RGS6: variants seen among roughly 807,000 people sequenced by gnomAD.
The protein encoded by RGS6 is regulator of G protein signaling 6, also known as regulator of G-protein signaling 6.
RGS6 carries 30 observed loss-of-function variants against 78.5 expected under a neutral mutation model. That is an observed-to-expected ratio of 0.38 (90% CI 0.29 to 0.52). The LOEUF (loss-of-function observed/expected upper bound fraction) is 0.52. Ranked by LOEUF, RGS6 falls within the 20% of genes least tolerant of loss-of-function variation. The pLI, the probability that RGS6 is intolerant of heterozygous loss-of-function variation, is 0.85. For synonymous variants in RGS6, 206 were observed against 206.0 expected (o/e 1.00, Z 0.00); for missense variants, 495 against 609.7 (o/e 0.81, Z 1.98).
At chr14:72,513,072 A>C (rs1200874211) in intron 14 of RGS6, among the ~76,000 whole-genome samples, 1 of 152,208 alleles carries the variant, frequency 6.6e-6, no homozygotes, top group Admixed American at 6.5e-5. Flanking sequence ...CTGGCATTGG[A>C]GCATGGCAGG....
At chr14:72,353,678 C>A (rs954587113) in intron 3 of RGS6, among the ~76,000 whole-genome samples, 2 of 152,030 alleles carry the variant, frequency 1.3e-5, no homozygotes, top group Non-Finnish European at 2.9e-5. Context: ...TGACTCTATA[C>A]ATAGGCCAAA....
intron 2 of RGS6, among the ~76,000 whole-genome samples, chr14:72,291,428 G>A (rs1275996568): frequency 1.3e-5 from 2 of 152,072 alleles, no homozygotes; most frequent in Admixed American, 6.5e-5. Context: ...TGAAGTGCTT[G>A]TCCTCTACAG....
At chr14:71,875,798 C>G in the RGS6 span, among the ~76,000 whole-genome samples, 3 of 152,178 alleles carry the variant, frequency 2.0e-5, no homozygotes, top group Non-Finnish European at 2.9e-5. Flanking sequence ...ATAAATTTCC[C>G]TCTACACACT....
At chr14:71,932,369 G>A (rs1451275774), upstream of RGS6, 2 of 151,272 alleles carry the variant, frequency 1.3e-5, no homozygotes, top group African/African-American at 4.8e-5. Context: ...GCACGGGGCT[G>A]CAGCTCCGCT....
At chr14:71,951,299 C>G (rs951030250) in intron 1 of RGS6, among the ~76,000 whole-genome samples, 1 of 151,888 alleles carries the variant, frequency 6.6e-6, no homozygotes, top group African/African-American at 2.4e-5. Context: ...AGCAAACAAA[C>G]GCAGGAGCAG....
rs981118901 is a variant in RGS6 at position 72,566,426 on chromosome 14, A to G, written c.*3959A>G. The G allele has an allele frequency of 6.6e-6, 1 of 152,184 alleles. No individual in the cohort carries two copies. The highest frequency in any genetic ancestry group is 1.5e-5 in the Non-Finnish European group (1 of 68,064). The allele number at this position is 152,184 out of a possible 1,614,324, so 9.4% of individuals were successfully genotyped here. ...CATCGGAATGGCCTCCTCTTAGTGC[A>G]TGTGGTTCTCTTTAGTTTATTTTTC... is the stretch of plus-strand genomic sequence containing the variant. On this transcript the variant is annotated 3_prime_UTR_variant, in exon 18 of 18. Transcript: ENST00000553525.
In RGS6 at chr14:72,336,962, TAAC is replaced by T. The variant is rs1595949498; in HGVS notation, c.85-15129_85-15127del. Among the ~76,000 whole-genome samples, 4 of 152,310 alleles carry T rather than the reference TAAC, an allele frequency of 2.6e-5. 1 individual carries two copies. ...AGTCATTTTGGATTAAGATCCACAC[TAAC>T]AACCTCATTTTAACTCGATTACCTC... On this transcript the variant is annotated intron_variant, in intron 2 of 17. Coordinates refer to ENST00000553525, the MANE Select transcript of RGS6 (RefSeq NM_001204424.2).
chr14:72,082,027 C>G (rs1413667357), intron 2 of RGS6, among the ~76,000 whole-genome samples: 2 of 151,908 alleles, frequency 1.3e-5, no homozygotes, highest in Admixed American at 1.3e-4. Flanking sequence ...GAGTTAAAGT[C>G]ATTCAGTTAT....
chr14:72,505,055 C>T (rs535086568), intron 13 of RGS6, among the ~76,000 whole-genome samples: 5 of 149,710 alleles, frequency 3.3e-5, no homozygotes, highest in South Asian at 2.1e-4. Flanking sequence ...GGATTACAGG[C>T]GTGAGCCACT....
At chr14:71,894,457 C>T in the RGS6 span, among the ~76,000 whole-genome samples, 3 of 152,142 alleles carry the variant, frequency 2.0e-5, no homozygotes, top group Non-Finnish European at 2.9e-5. Flanking sequence ...AGGATTGCAC[C>T]GAGGGTGGAT....
intron 17 of RGS6, among the ~76,000 whole-genome samples, chr14:72,562,195 C>A (rs1316987173): frequency 6.6e-6 from 1 of 152,210 alleles, no homozygotes; most frequent in Non-Finnish European, 1.5e-5. Flanking sequence ...ATAAGGGGAC[C>A]CTCCAGGACT....
At chr14:72,284,191 G>A (rs1012579887) in intron 2 of RGS6, among the ~76,000 whole-genome samples, 3 of 152,194 alleles carry the variant, frequency 2.0e-5, no homozygotes, top group South Asian at 2.1e-4. Context: ...GCCTGATGAC[G>A]CAGTAGAAAA....
At chr14:72,015,909 T>G (rs888977711) in intron 2 of RGS6, among the ~76,000 whole-genome samples, 2 of 152,242 alleles carry the variant, frequency 1.3e-5, no homozygotes, top group Non-Finnish European at 2.9e-5. Context: ...TCTATTGCCA[T>G]TGGCCTTTTT....
intron 3 of RGS6, among the ~76,000 whole-genome samples, chr14:72,412,257 T>C (rs572789551): frequency 6.6e-6 from 1 of 152,202 alleles, no homozygotes; most frequent in African/African-American, 2.4e-5. Flanking sequence ...CTGTTATTGG[T>C]CTATTCAGAG....
At chr14:72,153,616 C>T (rs1261190360) in intron 2 of RGS6, among the ~76,000 whole-genome samples, 1 of 152,164 alleles carries the variant, frequency 6.6e-6, no homozygotes, top group Non-Finnish European at 1.5e-5. Context: ...GAATTTTACA[C>T]CTGGGCCGCC....
chr14:72,483,371 C>T (rs2096420672), intron 12 of RGS6, among the ~76,000 whole-genome samples: 1 of 152,206 alleles, frequency 6.6e-6, no homozygotes, highest in South Asian at 2.1e-4. Flanking sequence ...TCGTGTGTCA[C>T]AGCTGACTGC....
intron 3 of RGS6, among the ~76,000 whole-genome samples, chr14:72,397,628 C>A (rs1014373037): frequency 5.9e-5 from 9 of 152,184 alleles, no homozygotes; most frequent in African/African-American, 1.4e-4. Flanking sequence ...GTCTTGTGCC[C>A]GTTTCCAAAG....
intron 3 of RGS6, among the ~76,000 whole-genome samples, chr14:72,390,949 C>T (rs2089819955): frequency 6.6e-6 from 1 of 152,150 alleles, no homozygotes; most frequent in Non-Finnish European, 1.5e-5. Flanking sequence ...AGGTAAGCAC[C>T]AGTCTAGAAC....
At chr14:72,039,813 A>ATTTTTTTTTTTTTTTTTTTTTTGTTT (rs3053082) in intron 2 of RGS6, among the ~76,000 whole-genome samples, 2 of 68,920 alleles carry the variant, frequency 2.9e-5, no homozygotes, top group African/African-American at 5.8e-5. Context: ...TGTTTCATTG[A>ATTTTTTTTTTTTTTTTTTTTTTGTTT]TTTTTTTTTT....
Sources: allele counts gnomAD v4.1 joint callset (sites outside exome capture counted in the v4.1 genomes callset), GRCh38; gene constraint gnomAD v4.1.1; transcripts MANE v1.5; gene names NCBI Gene and HGNC (gene_info 2026-07-23, HGNC 2026-07-21).